Variants in PTPRG observed in about 807,000 individuals in gnomAD.
The protein encoded by PTPRG is receptor-type tyrosine-protein phosphatase gamma.
In PTPRG, 102 loss-of-function variants were observed where a neutral mutation model predicts 165.3. That is an observed-to-expected ratio of 0.62 (90% CI 0.53 to 0.73). The LOEUF is 0.73. Ranked by LOEUF, PTPRG falls within the 30% of genes least tolerant of loss-of-function variation. PTPRG has a pLI of 0.00. For synonymous variants in PTPRG, 675 were observed against 669.5 expected (o/e 1.01, Z -0.13); for missense variants, 1,866 against 1,861.4 (o/e 1.00, Z -0.05).
At chr3:61,694,437 T>TA (rs2030434721) in intron 1 of PTPRG, among the ~76,000 whole-genome samples, 1 of 152,240 alleles carries the variant, frequency 6.6e-6, no homozygotes, top group African/African-American at 2.4e-5. Context: ...AGTACTCTAT[T>TA]ACCTACCTAC....
chr3:62,090,245 T>C (rs890980943), intron 5 of PTPRG, among the ~76,000 whole-genome samples: 2 of 152,188 alleles, frequency 1.3e-5, no homozygotes, highest in African/African-American at 2.4e-5. Flanking sequence ...CCCTGGTAGC[T>C]TGGCATCCCT....
At chr3:62,176,746 C>T (rs537875779) in intron 8 of PTPRG, among the ~76,000 whole-genome samples, 1 of 152,114 alleles carries the variant, frequency 6.6e-6, no homozygotes, top group Admixed American at 6.5e-5. Flanking sequence ...GGCAGAAGAT[C>T]TTGTGCATCC....
intron 2 of PTPRG, among the ~76,000 whole-genome samples, chr3:61,818,351 A>C (rs1177178783): frequency 6.6e-6 from 1 of 152,186 alleles, no homozygotes; most frequent in Non-Finnish European, 1.5e-5. Flanking sequence ...AATTGAAGAG[A>C]AAGATGGCAG....
intron 2 of PTPRG, among the ~76,000 whole-genome samples, chr3:61,854,331 T>C (rs958106776): frequency 6.6e-6 from 1 of 152,190 alleles, no homozygotes; most frequent in South Asian, 2.1e-4. Flanking sequence ...AGCCTCGGTT[T>C]CTTATCTGTA....
intron 2 of PTPRG, among the ~76,000 whole-genome samples, chr3:61,954,533 G>C (rs1428682851): frequency 6.6e-6 from 1 of 152,070 alleles, no homozygotes; most frequent in Non-Finnish European, 1.5e-5. Flanking sequence ...TAAGCAATAG[G>C]GACCTTCAGA....
chr3:62,219,401 T>C lies in PTPRG; in HGVS notation c.2288+418T>C, dbSNP rs959438100. Among the ~76,000 whole-genome samples, 2 of 152,266 alleles carry C rather than the reference T, an allele frequency of 1.3e-5. No individual in the cohort carries two copies. Among genetic ancestry groups the C allele is most frequent in the African/African-American group, 4.8e-5 (2 of 41,470 alleles). On this transcript the variant is annotated intron_variant, in intron 13 of 29. Coordinates refer to ENST00000474889, the MANE Select transcript of PTPRG (RefSeq NM_002841.4). The surrounding 1 kb of genome is among the most constrained non-coding windows in gnomAD (Gnocchi z 4.5). ...GTCACATAATAACTCCTCTTTACCT[T>C]AGAATTTTTTTTCATAGTCTTTCAC...
At chr3:61,766,784 T>C (rs1388256183) in intron 2 of PTPRG, among the ~76,000 whole-genome samples, 5 of 151,946 alleles carry the variant, frequency 3.3e-5, no homozygotes, top group African/African-American at 4.8e-5. Context: ...ACCCAGCTAA[T>C]GTTTATTGTA....
intron 20 of PTPRG, among the ~76,000 whole-genome samples, chr3:62,270,355 C>T (rs1400019950): frequency 6.6e-6 from 1 of 152,052 alleles, no homozygotes; most frequent in Admixed American, 6.6e-5. Flanking sequence ...ATGTTTATTT[C>T]CCAAAATGGC....
chr3:61,977,739 G>T (rs979413816), intron 2 of PTPRG, among the ~76,000 whole-genome samples: 1 of 151,998 alleles, frequency 6.6e-6, no homozygotes, highest in African/African-American at 2.4e-5. Context: ...GTAAAAAATT[G>T]CTCCTATTTC....
chr3:61,626,689 A>G (rs949296510), intron 1 of PTPRG, among the ~76,000 whole-genome samples: 2 of 152,184 alleles, frequency 1.3e-5, no homozygotes, highest in Non-Finnish European at 2.9e-5. Context: ...TGGGTGCCAA[A>G]GTGGGGCAGG....
chr3:61,690,751 T>C (rs1169805019), intron 1 of PTPRG, among the ~76,000 whole-genome samples: 1 of 152,160 alleles, frequency 6.6e-6, no homozygotes, highest in Non-Finnish European at 1.5e-5. Flanking sequence ...CCCTTCAAAG[T>C]ATTTAGCCAG....
intron 5 of PTPRG, among the ~76,000 whole-genome samples, chr3:62,088,568 GTTAAA>G (rs1559490969): frequency 6.6e-6 from 1 of 152,194 alleles, no homozygotes; most frequent in African/African-American, 2.4e-5. Flanking sequence ...CCTCCGCCCT[GTTAAA>G]TTAAAGCACC....
chr3:62,119,929 C>T (rs889980727), intron 5 of PTPRG, among the ~76,000 whole-genome samples: 8 of 151,744 alleles, frequency 5.3e-5, no homozygotes, highest in Admixed American at 1.3e-4. Context: ...CCACCGTGCC[C>T]GGCCAGATTT....
chr3:61,652,591 T>C lies in PTPRG; in HGVS notation c.85+90219T>C, dbSNP rs183931012. On this transcript the variant is annotated intron_variant, in intron 1 of 29. Transcript: ENST00000474889. ...TAGAACCTTGTTCCTCTAGTTACAA[T>C]ATTTTAATATTGTTGTTAATGTTTC... 5.4e-5 allele frequency among the ~76,000 whole-genome samples: 3 copies of C among 55,480 alleles called. No homozygotes were observed. The Admixed American group carries it at 7.3e-4, about 14-fold the overall frequency. 36.4% of individuals were successfully genotyped at this position (55,480 alleles called of 152,430 possible).
chr3:61,977,276 A>G (rs1242028444), intron 2 of PTPRG, among the ~76,000 whole-genome samples: 1 of 151,942 alleles, frequency 6.6e-6, no homozygotes, highest in Non-Finnish European at 1.5e-5. Flanking sequence ...CCTGTTGAGA[A>G]TGCATGCTAT....
chr3:62,174,624 CAAA>C (rs1215174465), intron 8 of PTPRG, among the ~76,000 whole-genome samples: 1 of 152,140 alleles, frequency 6.6e-6, no homozygotes, highest in Non-Finnish European at 1.5e-5. Context: ...AATTAGCAAA[CAAA>C]GAAGTAAATC....
Position 62,063,772 on chromosome 3 carries a change from G to A in PTPRG, c.520-14391G>A, listed in dbSNP as rs995374428. Among the ~76,000 whole-genome samples, 7 of 152,116 alleles carry A rather than the reference G, an allele frequency of 4.6e-5. No homozygotes were observed. The South Asian group carries it at 1.5e-3, about 32-fold the overall frequency. ...CCTGCCTCATCCTCCCAAAATGCTG[G>A]GATTCTAGGTGTGAGTCACCTCACC... On this transcript the variant is annotated intron_variant, in intron 4 of 29. Transcript: ENST00000474889.
intron 1 of PTPRG, among the ~76,000 whole-genome samples, chr3:61,641,938 G>T (rs930861491): frequency 6.6e-6 from 1 of 152,270 alleles, no homozygotes; most frequent in South Asian, 2.1e-4. Flanking sequence ...GCTAATGAAT[G>T]CCTTCTGAGG....
chr3:61,858,020 G>T (rs143265780), intron 2 of PTPRG, among the ~76,000 whole-genome samples: 1 of 152,124 alleles, frequency 6.6e-6, no homozygotes, highest in African/African-American at 2.4e-5. Flanking sequence ...GCAGAATCCC[G>T]CCTGTATGAG....
Sources: gnomAD v4.1 joint callset for allele counts (sites outside exome capture counted in the v4.1 genomes callset) on GRCh38, gnomAD v4.1.1 for gene constraint, Gnocchi (gnomAD v3.1) non-coding constraint, MANE v1.5 for transcripts, NCBI Gene and HGNC (gene_info 2026-07-23, HGNC 2026-07-21) for gene names.